The following EMC2 variants were observed in gnomAD, a reference collection of about 807,000 sequenced individuals.
EMC2 encodes the protein TPR repeat protein 35.
A neutral mutation model predicts 51.6 loss-of-function variants in EMC2; 37 were observed. The observed-to-expected ratio is 0.72, with a 90% CI of 0.55 to 0.94. The LOEUF (loss-of-function observed/expected upper bound fraction) is 0.94. Among genes scored for constraint, EMC2 ranks in the 40% least tolerant of loss-of-function variants. EMC2 has a pLI of 0.00. For synonymous variants in EMC2, 131 were observed against 112.4 expected, an observed-to-expected ratio of 1.17 and a Z score of -1.04; for missense variants, 359 against 350.9, an observed-to-expected ratio of 1.02 and a Z score of -0.18.
At chr8:108,474,008 C>T (rs1047891377) in intron 7 of EMC2, 7 of 152,002 alleles carry the variant, frequency 4.6e-5, no homozygotes, top group Admixed American at 2.6e-4. Flanking sequence ...CCTAGAAAAG[C>T]TGGACTAGAC....
intron 9 of EMC2, among the ~76,000 whole-genome samples, 196 bp downstream of exon 9, chr8:108,477,088 TC>T (rs1337036446): frequency 2.6e-5 from 4 of 152,150 alleles, no homozygotes; most frequent in Middle Eastern, 3.4e-3. Context: ...TGTTTGACAT[TC>T]TTTTTTTGTA....
chr8:108,486,504 T>TTTC lies in EMC2; in HGVS notation c.808-7_808-6insTCT. ...CTAATTGAGCTTTTTTTTTTTTTTT[T>TTTC]TAATTAGTTTGCAGGTCGAAGTAAG... On this transcript the variant is annotated splice_polypyrimidine_tract_variant and splice_region_variant and intron_variant, in intron 10 of 10. Coordinates refer to ENST00000220853, the MANE Select transcript of EMC2 (RefSeq NM_014673.5). 2 of 1,554,528 alleles carry TTTC rather than the reference T, an allele frequency of 1.3e-6. No individual in the cohort carries two copies. The highest frequency in any genetic ancestry group is 1.7e-6 in the Non-Finnish European group (2 of 1,158,810).
chr8:108,486,084 G>T (rs1415504936), intron 10 of EMC2, among the ~76,000 whole-genome samples: 1 of 151,874 alleles, frequency 6.6e-6, no homozygotes, highest in African/African-American at 2.4e-5. Context: ...ACTTGTATTT[G>T]TATTGTACCT....
intron 1 of EMC2, among the ~76,000 whole-genome samples, chr8:108,446,763 T>A (rs1276361574): frequency 6.6e-6 from 1 of 152,236 alleles, no homozygotes; most frequent in Non-Finnish European, 1.5e-5. Flanking sequence ...AAATAATTTT[T>A]TTAGATAAAT....
At chr8:108,460,358 G>A (rs1811222810) in intron 5 of EMC2, among the ~76,000 whole-genome samples, 1 of 152,072 alleles carries the variant, frequency 6.6e-6, no homozygotes, top group Non-Finnish European at 1.5e-5. Context: ...TTTAAAACTG[G>A]CTAAAAGAGA....
intron 5 of EMC2, among the ~76,000 whole-genome samples, chr8:108,467,719 T>A (rs1189032553): frequency 6.6e-6 from 1 of 152,128 alleles, no homozygotes; most frequent in Admixed American, 6.6e-5. Flanking sequence ...ATCCAACTGT[T>A]TTCAACAAGT....
intron 10 of EMC2, among the ~76,000 whole-genome samples, chr8:108,483,054 A>C (rs550212503): frequency 6.6e-6 from 1 of 152,068 alleles, no homozygotes; most frequent in African/African-American, 2.4e-5. Flanking sequence ...TCTGGGTTCA[A>C]ATTTTGACTC....
chr8:108,453,757 G>T (rs1254526916), intron 4 of EMC2, among the ~76,000 whole-genome samples: 1 of 152,072 alleles, frequency 6.6e-6, no homozygotes, highest in Non-Finnish European at 1.5e-5. Context: ...GTGCTGTACA[G>T]TTTAACTGTG....
chr8:108,461,820 C>G (rs1434273856), intron 5 of EMC2, among the ~76,000 whole-genome samples: 1 of 151,958 alleles, frequency 6.6e-6, no homozygotes, highest in African/African-American at 2.4e-5. Flanking sequence ...TCCTCCTTCT[C>G]TTAGGGAAGC....
intron 10 of EMC2, among the ~76,000 whole-genome samples, chr8:108,479,997 AT>A (rs1207568894): frequency 6.6e-6 from 1 of 152,002 alleles, no homozygotes; most frequent in South Asian, 2.1e-4. Context: ...ACGCAAAGGA[AT>A]TTTTTCTTTA....
intron 5 of EMC2, among the ~76,000 whole-genome samples, chr8:108,459,753 TG>T (rs1819265906): frequency 1.3e-5 from 2 of 151,660 alleles, no homozygotes; most frequent in Admixed American, 6.6e-5. Context: ...TGTGTGTGTG[TG>T]ATTGTTTTGT....
rs116036924 is a variant in EMC2, at chr8:108,468,965, G to A, written c.364-861G>A. ...GTTTTTTAATGTCTACTTACTCTTT[G>A]TTTCAGTACACGTATCATATGTGGG... On this transcript the variant is annotated intron_variant, in intron 5 of 10. Coordinates refer to ENST00000220853, the MANE Select transcript of EMC2 (RefSeq NM_014673.5). Among the ~76,000 whole-genome samples, 693 of 151,726 alleles carry A rather than the reference G, an allele frequency of 4.6e-3. 6 individuals are homozygous for A. The highest frequency in any genetic ancestry group is 0.016 in the African/African-American group (664 of 41,334).
chr8:108,465,650 C>T (rs1042006229), intron 5 of EMC2, among the ~76,000 whole-genome samples: 2 of 152,124 alleles, frequency 1.3e-5, no homozygotes, highest in Non-Finnish European at 2.9e-5. Context: ...TGTTGCATTT[C>T]TTAATGCCTC....
rs1047593359 is a variant in EMC2, at chr8:108,487,201, A to G, written c.*603A>G. On this transcript the variant is annotated 3_prime_UTR_variant, in exon 11 of 11. Coordinates refer to ENST00000220853, the MANE Select transcript of EMC2 (RefSeq NM_014673.5). ...ATTTCTTTGTAAAATTTTTGTTTTG[A>G]TATAGGACATAATTGAGATTTTTAC... Among the ~76,000 whole-genome samples the G allele has an allele frequency of 1.3e-5, 2 of 152,036 alleles. No individual in the cohort carries two copies. Among genetic ancestry groups the G allele is most frequent in the East Asian group, 3.8e-4 (2 of 5,196 alleles).
chr8:108,445,970 C>G (rs899064155), intron 1 of EMC2, among the ~76,000 whole-genome samples: 3 of 152,118 alleles, frequency 2.0e-5, no homozygotes, highest in Non-Finnish European at 2.9e-5. Context: ...TTTAGAGAAG[C>G]CTTCTCTGAC....
rs141177113 is a variant in EMC2, at chr8:108,479,367, A to G, written c.807+257A>G. On this transcript the variant is annotated intron_variant, in intron 10 of 10. Transcript: ENST00000220853. ...CAGTGGTTCTGCATTTGGCAAACGC[A>G]AAGTAATTCTAAAAACTCAGAAAGG... 1.6e-3 allele frequency among the ~76,000 whole-genome samples: 239 copies of G among 152,320 alleles called. 1 individual carries two copies. The highest frequency in any genetic ancestry group is 5.4e-3 in the African/African-American group (225 of 41,584).
chr8:108,446,251 G>T (rs1818875447), intron 1 of EMC2: 1 of 404,062 alleles, frequency 2.5e-6, no homozygotes, highest in African/African-American at 2.1e-5. Context: ...GTAAATATTA[G>T]TGGAATAATG....
chr8:108,486,553 G>A lies in EMC2; in HGVS notation c.849G>A (p.Lys283=). 6.3e-7 allele frequency: 1 copy of A among 1,593,186 alleles called. No individual in the cohort carries two copies. The highest frequency in any genetic ancestry group is 8.5e-7 in the Non-Finnish European group (1 of 1,171,902). Residue 283 remains lysine (K), a synonymous_variant, in exon 11 of 11, where the codon AAG becomes AAA. Transcript: ENST00000220853. Reference sequence around the variant, plus strand: ...AGAAGGAAACCAAATATTCTCTTAAGGCTGTCGAAGACATGTTGGAAACAT... The same window carrying A: ...AGAAGGAAACCAAATATTCTCTTAAAGCTGTCGAAGACATGTTGGAAACAT... The part of the protein sequence containing the change: ...RSKKETKYSL[K]AVEDMLETLQ...
chr8:108,484,212 T>G (rs1448339403), intron 10 of EMC2, among the ~76,000 whole-genome samples: 1 of 152,152 alleles, frequency 6.6e-6, no homozygotes, highest in African/African-American at 2.4e-5. Flanking sequence ...TATTTATGAT[T>G]GCAGCAGTGA....
Sources: allele counts gnomAD v4.1 joint callset (sites outside exome capture counted in the v4.1 genomes callset), GRCh38; gene constraint gnomAD v4.1.1; transcripts MANE v1.5; gene names NCBI Gene and HGNC (gene_info 2026-07-23, HGNC 2026-07-21).